NFIC: variants seen among roughly 807,000 people sequenced by gnomAD.
NFIC encodes the protein nuclear factor I C, also known as nuclear factor 1 C-type.
In NFIC, 12 loss-of-function variants were observed where a neutral mutation model predicts 54.4. The observed-to-expected ratio is 0.22, with a 90% CI of 0.14 to 0.36. The LOEUF is 0.36. Ranked by LOEUF, NFIC falls within the 10% of genes least tolerant of loss-of-function variation. The pLI is 1.00. For synonymous variants in NFIC, 322 were observed against 319.2 expected (o/e 1.01, Z -0.09); for missense variants, 575 against 718.2 (o/e 0.80, Z 2.28).
intron 2 of NFIC, among the ~76,000 whole-genome samples, chr19:3,385,522 T>C: frequency 6.6e-6 from 1 of 151,902 alleles, no homozygotes; most frequent in African/African-American, 2.4e-5. Flanking sequence ...ATTGGTTTGT[T>C]TGTTTGTTAT....
Position 3,395,826 on chromosome 19 carries a change from G to A in NFIC, c.562+13583G>A, listed in dbSNP as rs149645277. Among the ~76,000 whole-genome samples, 404 of 152,106 alleles carry A rather than the reference G, an allele frequency of 2.7e-3. 2 individuals carry two copies. The highest frequency in any genetic ancestry group is 9.1e-3 in the African/African-American group (376 of 41,494). Reference sequence around the variant, plus strand: ...CTCCCGAGTACCTGGGATTACAGGCGCGTGCCACCACACCGGCTAATTTTT... The same window carrying A: ...CTCCCGAGTACCTGGGATTACAGGCACGTGCCACCACACCGGCTAATTTTT... On this transcript the variant is annotated intron_variant, in intron 2 of 10. Transcript: ENST00000443272.
intron 1 of NFIC, among the ~76,000 whole-genome samples, chr19:3,372,596 G>A (rs571113323): frequency 3.9e-5 from 6 of 152,232 alleles, no homozygotes; most frequent in African/African-American, 1.4e-4. Context: ...ACCGACCTCG[G>A]GGATCAAACA....
At chr19:3,361,760 A>G (rs913561179), upstream of NFIC, among the ~76,000 whole-genome samples, 1 of 151,984 alleles carries the variant, frequency 6.6e-6, no homozygotes, top group African/African-American at 2.4e-5. Context: ...GGACGGTTGG[A>G]TGCCCTGGCC....
At position 3,453,367 on chromosome 19, in the gene NFIC, G is replaced by A. The variant is rs1010576882; in HGVS notation, c.1270-396G>A. On this transcript the variant is annotated intron_variant, in intron 8 of 10. Coordinates refer to ENST00000443272, the MANE Select transcript of NFIC (RefSeq NM_001245002.2). This position sits in a 1 kb window ranked among gnomAD's most constrained non-coding sequence, Gnocchi z 6.7. The stretch of plus-strand genomic sequence containing the variant: ...AAGCTTTGGATGTTCAGAGCTTTTC[G>A]GACTTTGGAACCACGGGCCAGGCCG... Among the ~76,000 whole-genome samples the A allele has an allele frequency of 4.6e-5, 7 of 152,326 alleles. No homozygotes were observed. Among genetic ancestry groups the A allele is most frequent in the South Asian group, 2.1e-4 (1 of 4,832 alleles).
intron 3 of NFIC, among the ~76,000 whole-genome samples, chr19:3,429,259 CA>C (rs1752630922): frequency 1.1e-5 from 1 of 90,366 alleles, no homozygotes; most frequent in Non-Finnish European, 2.0e-5. Context: ...TATATACACA[CA>C]CACACACACA....
chr19:3,456,693 GGGGGGCT>G, intron 10 of NFIC, 58 bp downstream of exon 10: 1 of 1,343,160 alleles, frequency 7.4e-7, no homozygotes, highest in Non-Finnish European at 1.0e-6. Flanking sequence ...GGGCCGGCCC[GGGGGGCT>G]CAGGGCGAAG....
At chr19:3,428,596 C>T (rs1052525584) in intron 3 of NFIC, among the ~76,000 whole-genome samples, 7 of 152,098 alleles carry the variant, frequency 4.6e-5, no homozygotes, top group African/African-American at 9.7e-5. Context: ...CACTGGCCCC[C>T]GGTGACTCCT....
At chr19:3,456,339 C>T (rs1316432539) in intron 9 of NFIC, among the ~76,000 whole-genome samples, 2 of 152,154 alleles carry the variant, frequency 1.3e-5, no homozygotes, top group East Asian at 3.9e-4. Flanking sequence ...CCGGGCCCCT[C>T]GAGTCAGGAT....
chr19:3,405,794 G>T (rs1038195106), intron 2 of NFIC, among the ~76,000 whole-genome samples: 1 of 151,914 alleles, frequency 6.6e-6, no homozygotes, highest in Non-Finnish European at 1.5e-5. Flanking sequence ...TAGAGACAGG[G>T]GTCTCACCAT....
intron 2 of NFIC, among the ~76,000 whole-genome samples, chr19:3,405,306 C>T (rs1277073211): frequency 6.6e-6 from 1 of 152,234 alleles, no homozygotes; most frequent in Non-Finnish European, 1.5e-5. Flanking sequence ...GATTTTCCTC[C>T]CTGTCCCTGG....
At chr19:3,444,816 C>G (rs551687956) in intron 6 of NFIC, among the ~76,000 whole-genome samples, 1 of 151,980 alleles carries the variant, frequency 6.6e-6, no homozygotes, top group Non-Finnish European at 1.5e-5. Context: ...CACACACACA[C>G]GCTTGCACAC....
intron 6 of NFIC, among the ~76,000 whole-genome samples, chr19:3,445,035 A>G (rs1452530974): frequency 3.9e-5 from 6 of 152,172 alleles, no homozygotes; most frequent in Non-Finnish European, 5.9e-5. Flanking sequence ...ATACACATAC[A>G]CAGATATGAA....
intron 2 of NFIC, among the ~76,000 whole-genome samples, chr19:3,395,077 G>T (rs191509337): frequency 5.3e-5 from 8 of 152,196 alleles, no homozygotes; most frequent in African/African-American, 1.9e-4. Context: ...AATCCAAGGA[G>T]GCTGGGCGCG....
In NFIC at chr19:3,456,550, C is replaced by T. The variant is rs1485134606; in HGVS notation, c.1424C>T (p.Ser475Phe). The change falls in exon 10 of 11, where the codon TCC (serine) becomes TTC (phenylalanine). Residue 475 changes from serine to phenylalanine, a missense_variant and splice_region_variant. Ser to Phe is a radical substitution (Grantham distance 155). Coordinates refer to ENST00000443272, the MANE Select transcript of NFIC (RefSeq NM_001245002.2). ...CTCTCGGTCTCTCTCCTCCCTGCAG[C>T]CTACTCTCCGCCCGACACGTCCCCT... is the stretch of plus-strand genomic sequence containing the variant. The part of the protein sequence containing the change: ...EGGATSPTSP[S>F]YSPPDTSPAN... 1.9e-6 allele frequency: 3 copies of T among 1,551,980 alleles called. No homozygotes were observed. Among genetic ancestry groups the T allele is most frequent in the Non-Finnish European group, 2.6e-6 (3 of 1,147,090 alleles).
upstream of NFIC, among the ~76,000 whole-genome samples, chr19:3,364,127 G>A (rs990224452): frequency 1.3e-5 from 2 of 150,902 alleles, no homozygotes; most frequent in African/African-American, 2.4e-5. Context: ...CAGAGATGCC[G>A]AAGAGTGAAA....
At chr19:3,461,270 A>G (rs1360020451) in intron 10 of NFIC, among the ~76,000 whole-genome samples, 4 of 151,898 alleles carry the variant, frequency 2.6e-5, no homozygotes, top group Admixed American at 2.6e-4. Context: ...AAAAAAAAAA[A>G]AAACTAGTCA....
intron 2 of NFIC, among the ~76,000 whole-genome samples, chr19:3,383,475 T>A (rs1288841954): frequency 6.6e-6 from 1 of 152,182 alleles, no homozygotes; most frequent in African/African-American, 2.4e-5. Flanking sequence ...GTCCTGCAGC[T>A]TCTTGGCTGC....
intron 7 of NFIC, among the ~76,000 whole-genome samples, chr19:3,451,284 TG>T (rs2082458740): frequency 6.6e-6 from 1 of 152,078 alleles, no homozygotes; most frequent in African/African-American, 2.4e-5. Context: ...GTATGGGTGC[TG>T]GGGCTGGGGG....
Position 3,452,449 on chromosome 19 carries a change from C to T in NFIC, c.1085-33C>T, listed in dbSNP as rs1343375102. ...TCACAGAGCAGACCGGCTGGAGCCCCCAAGTAACCCCCGCTTCCCACTGTC... is the reference window on the plus strand; with the variant it reads ...TCACAGAGCAGACCGGCTGGAGCCCTCAAGTAACCCCCGCTTCCCACTGTC... On this transcript the variant is annotated intron_variant, in intron 7 of 10. Transcript: ENST00000443272. The surrounding 1 kb of genome is among the most constrained non-coding windows in gnomAD (Gnocchi z 5.3). 1 of 1,606,574 alleles carries T rather than the reference C, an allele frequency of 6.2e-7. No individual in the cohort carries two copies. The highest frequency in any genetic ancestry group is 8.5e-7 in the Non-Finnish European group (1 of 1,178,964).
Sources: allele counts gnomAD v4.1 joint callset (sites outside exome capture counted in the v4.1 genomes callset), GRCh38; gene constraint gnomAD v4.1.1; non-coding constraint Gnocchi (gnomAD v3.1); transcripts MANE v1.5; gene names NCBI Gene and HGNC (gene_info 2026-07-23, HGNC 2026-07-21).